Variants in APBA2 observed in about 807,000 individuals in gnomAD.
APBA2 encodes the protein amyloid-beta A4 precursor protein-binding family A member 2.
APBA2 carries 30 observed loss-of-function variants against 75.0 expected under a neutral mutation model. That is an observed-to-expected ratio of 0.40 (90% confidence interval 0.30 to 0.54). APBA2 has a LOEUF of 0.54. Among genes scored for constraint, APBA2 ranks in the 20% least tolerant of loss-of-function variants. The pLI is 0.49. For synonymous variants in APBA2, 444 were observed against 409.6 expected (o/e 1.08, Z -1.01); for missense variants, 801 against 1,016.1 (o/e 0.79, Z 2.88).
chr15:29,092,896 C>T (rs11858972), intron 6 of APBA2, among the ~76,000 whole-genome samples, 179 bp from the exon 7 acceptor site: 3,208 of 152,246 alleles, frequency 0.021, 109 homozygotes, highest in African/African-American at 0.073. Flanking sequence ...ACTTGCAGCA[C>T]GGGGTAGTGA....
At chr15:29,037,487 G>T (rs945191117) in intron 3 of APBA2, among the ~76,000 whole-genome samples, 9 of 152,080 alleles carry the variant, frequency 5.9e-5, no homozygotes, top group Non-Finnish European at 1.5e-5. Context: ...AGGGTTTGTT[G>T]GGATTAGAGG....
chr15:29,104,819 C>G (rs2044315152), intron 10 of APBA2, among the ~76,000 whole-genome samples: 1 of 152,178 alleles, frequency 6.6e-6, no homozygotes, highest in South Asian at 2.1e-4. Context: ...TGCAGTGGCT[C>G]ACACCTGCAA....
At chr15:29,077,992 G>T (rs181404886) in intron 6 of APBA2, among the ~76,000 whole-genome samples, 141 of 152,320 alleles carry the variant, frequency 9.3e-4, no homozygotes, top group Non-Finnish European at 1.8e-3. Flanking sequence ...AAATAGGTGT[G>T]TGTCTTACAT....
intron 6 of APBA2, among the ~76,000 whole-genome samples, chr15:29,078,139 CA>C (rs1489367138): frequency 6.6e-6 from 1 of 150,976 alleles, no homozygotes; most frequent in African/African-American, 2.4e-5. Flanking sequence ...TACTAAAATA[CA>C]AAAAATTAGC....
At chr15:28,943,708 C>T (rs1027078069) in intron 2 of APBA2, among the ~76,000 whole-genome samples, 1 of 152,046 alleles carries the variant, frequency 6.6e-6, no homozygotes, top group Non-Finnish European at 1.5e-5. Context: ...GGCCCTTCTC[C>T]CCAGGACGCT....
intron 2 of APBA2, among the ~76,000 whole-genome samples, chr15:28,949,284 G>T (rs1021431180): frequency 6.6e-6 from 1 of 152,160 alleles, no homozygotes. Flanking sequence ...AGGAATACTT[G>T]CAAGGAGCAG....
At chr15:29,113,792 T>C (rs1398442816) in intron 13 of APBA2, 84 bp from the exon 14 acceptor site, 2 of 1,570,310 alleles carry the variant, frequency 1.3e-6, no homozygotes, top group South Asian at 1.1e-5. Flanking sequence ...CTTTTCCCTC[T>C]GCATGTCCCA....
intron 3 of APBA2, among the ~76,000 whole-genome samples, chr15:29,022,652 G>T (rs2040012029): frequency 6.6e-6 from 1 of 151,930 alleles, no homozygotes; most frequent in Non-Finnish European, 1.5e-5. Flanking sequence ...TGGTCTATTT[G>T]TATACTCTCG....
chr15:28,975,513 T>C (rs2037290072), intron 2 of APBA2, among the ~76,000 whole-genome samples: 1 of 152,136 alleles, frequency 6.6e-6, no homozygotes, highest in South Asian at 2.1e-4. Flanking sequence ...ATTTCAAATG[T>C]CTCTAAATAG....
chr15:29,071,192 G>A (rs2042606699), intron 4 of APBA2: 2 of 379,336 alleles, frequency 5.3e-6, no homozygotes, highest in Non-Finnish European at 1.1e-5. Context: ...AATGAGAATT[G>A]ACACTTTTTA....
At chr15:28,915,473 A>T (rs2033647622) in intron 1 of APBA2, among the ~76,000 whole-genome samples, 1 of 144,016 alleles carries the variant, frequency 6.9e-6, no homozygotes, top group South Asian at 2.3e-4. Context: ...ATAATACCAT[A>T]CATACACACC....
intron 3 of APBA2, among the ~76,000 whole-genome samples, chr15:29,008,984 C>A (rs1300584134): frequency 6.6e-6 from 1 of 152,162 alleles, no homozygotes. Flanking sequence ...GGGAGAGAAG[C>A]CGGCAGGCTC....
intron 1 of APBA2, among the ~76,000 whole-genome samples, chr15:28,902,224 CAT>C (rs1027602647): frequency 6.6e-5 from 10 of 152,152 alleles, no homozygotes; most frequent in Non-Finnish European, 1.3e-4. Context: ...AACAGCAAGT[CAT>C]GTGGGTGGCA....
intron 3 of APBA2, among the ~76,000 whole-genome samples, chr15:29,033,469 T>C (rs1335048005): frequency 6.6e-6 from 1 of 152,180 alleles, no homozygotes; most frequent in Non-Finnish European, 1.5e-5. Flanking sequence ...TCCACAAGAC[T>C]GCCCTCACTT....
At chr15:29,093,701 G>A (rs901003469) in intron 7 of APBA2, among the ~76,000 whole-genome samples, 3 of 152,276 alleles carry the variant, frequency 2.0e-5, no homozygotes, top group Middle Eastern at 3.4e-3. Context: ...ATGAGGCCAC[G>A]TCAGCAAAAT....
Position 28,921,270 on chromosome 15 carries a change from T to C in APBA2, c.-204-370T>C, listed in dbSNP as rs118166294. 5.0e-4 allele frequency among the ~76,000 whole-genome samples: 76 copies of C among 152,298 alleles called. 2 individuals are homozygous for C. The East Asian group carries it at 0.014, about 29-fold the overall frequency. The stretch of plus-strand genomic sequence containing the variant: ...TATTAATGGCACGAGATTTCCCTTA[T>C]CTTCCTACAAAATCTTCCTACATTG... On this transcript the variant is annotated intron_variant, in intron 1 of 14. Transcript: ENST00000683413.
chr15:29,039,096 AGGGTGT>A (rs1377087602), intron 3 of APBA2, among the ~76,000 whole-genome samples: 4 of 84,776 alleles, frequency 4.7e-5, no homozygotes, highest in African/African-American at 1.6e-4. Flanking sequence ...GCTGTATGTC[AGGGTGT>A]GTGTGTGTGT....
At chr15:28,989,940 G>A (rs192079133) in intron 2 of APBA2, among the ~76,000 whole-genome samples, 1 of 152,162 alleles carries the variant, frequency 6.6e-6, no homozygotes, top group African/African-American at 2.4e-5. Flanking sequence ...ATTTCTCAAA[G>A]CCAGGAAGGA....
rs1293677604 is a variant in APBA2 at position 29,118,143 on chromosome 15, A to C, written c.*1010A>C. 1 of 152,614 alleles carries C rather than the reference A, an allele frequency of 6.6e-6. No individual in the cohort carries two copies. Among genetic ancestry groups the C allele is most frequent in the African/African-American group, 2.4e-5 (1 of 41,426 alleles). The allele number at this position is 152,614 out of a possible 1,614,324, so 9.5% of individuals were successfully genotyped here. ...TGTAATCTGACGTCATCTTGTCTCG[A>C]AGTCTCTTTTTTTGGCCCAGGCCTT... On this transcript the variant is annotated 3_prime_UTR_variant, in exon 15 of 15. Coordinates refer to ENST00000683413, the MANE Select transcript of APBA2 (RefSeq NM_001353788.2).
Sources: gnomAD v4.1 joint callset for allele counts (sites outside exome capture counted in the v4.1 genomes callset) on GRCh38, gnomAD v4.1.1 for gene constraint, MANE v1.5 for transcripts, NCBI Gene and HGNC (gene_info 2026-07-23, HGNC 2026-07-21) for gene names.